The following INPP4B variants were observed in gnomAD, a reference collection of about 807,000 sequenced individuals.
The protein encoded by INPP4B is inositol polyphosphate-4-phosphatase type II B.
In INPP4B, 55 loss-of-function variants were observed where a neutral mutation model predicts 122.5. The ratio of observed to expected loss-of-function variants is 0.45; its 90% CI spans 0.36 to 0.56. The LOEUF (loss-of-function observed/expected upper bound fraction) is 0.56, where lower values mean the gene tolerates loss of function less well. Ranked by LOEUF, INPP4B falls within the 20% of genes least tolerant of loss-of-function variation. The pLI, the probability that INPP4B is intolerant of heterozygous loss-of-function variation, is 0.00. For synonymous variants in INPP4B, 403 were observed against 388.7 expected (o/e 1.04, Z -0.43); for missense variants, 1,000 against 1,097.7 (o/e 0.91, Z 1.26).
intron 2 of INPP4B, among the ~76,000 whole-genome samples, chr4:142,598,918 C>T (rs1164029896): frequency 6.6e-6 from 1 of 152,172 alleles, no homozygotes; most frequent in African/African-American, 2.4e-5. Context: ...GCTGGGAGTG[C>T]CAAGTGCACC....
Position 142,026,869 on chromosome 4 carries a change from A to G in INPP4B, c.*1913T>C, listed in dbSNP as rs1737169582. The G allele has an allele frequency of 6.6e-6, 1 of 152,242 alleles. No individual in the cohort carries two copies. 9.4% of individuals were successfully genotyped at this position (152,242 alleles called of 1,614,324 possible). Reference sequence around the variant, plus strand: ...AAAATTATTGCTTATAAGAGTATTTACAGAATGATAAATTACTTAAGGTTT... The same window carrying G: ...AAAATTATTGCTTATAAGAGTATTTGCAGAATGATAAATTACTTAAGGTTT... On this transcript the variant is annotated 3_prime_UTR_variant, in exon 26 of 26. Coordinates refer to ENST00000262992, the MANE Select transcript of INPP4B (RefSeq NM_001101669.3).
chr4:142,378,923 A>G (rs1005428341), intron 7 of INPP4B, among the ~76,000 whole-genome samples: 8 of 152,312 alleles, frequency 5.3e-5, no homozygotes, highest in Non-Finnish European at 1.2e-4. Flanking sequence ...TTCAAAAATG[A>G]AAAGCAAATG....
intron 25 of INPP4B, among the ~76,000 whole-genome samples, chr4:142,048,599 A>G (rs1752831016): frequency 6.6e-6 from 1 of 151,974 alleles, no homozygotes; most frequent in Non-Finnish European, 1.5e-5. Context: ...TGGAGGGGGC[A>G]GGTATTTATG....
At chr4:142,653,483 C>T (rs1030857703) in intron 2 of INPP4B, among the ~76,000 whole-genome samples, 4 of 152,052 alleles carry the variant, frequency 2.6e-5, no homozygotes, top group Middle Eastern at 3.4e-3. Context: ...ATCTGACAAA[C>T]GGCTAATATC....
At chr4:142,138,565 T>C (rs1395427762) in intron 18 of INPP4B, among the ~76,000 whole-genome samples, 1 of 152,026 alleles carries the variant, frequency 6.6e-6, no homozygotes, top group Non-Finnish European at 1.5e-5. Context: ...AATTAATCAT[T>C]CCTTTTTCCA....
At chr4:142,555,248 A>G (rs545932182) in intron 2 of INPP4B, among the ~76,000 whole-genome samples, 4 of 152,228 alleles carry the variant, frequency 2.6e-5, no homozygotes, top group Non-Finnish European at 5.9e-5. Context: ...TGGGACTTCT[A>G]CAGGTCACTC....
At chr4:142,554,161 C>T (rs369363881) in intron 2 of INPP4B, among the ~76,000 whole-genome samples, 3 of 142,792 alleles carry the variant, frequency 2.1e-5, no homozygotes, top group African/African-American at 5.2e-5. Flanking sequence ...GCACTCCAGC[C>T]TGGGCAACAA....
rs533828623 is a variant in INPP4B, at chr4:142,746,653, G to A, written c.-253-20752C>T. Among the ~76,000 whole-genome samples the A allele has an allele frequency of 1.1e-4, 17 of 152,166 alleles. No homozygotes were observed. The South Asian group carries it at 3.3e-3, about 30-fold the overall frequency. ...AAGGCTACAGTAAGACAAACAGCAT[G>A]GTACTGGTACCAAAACAGATATATA... On this transcript the variant is annotated intron_variant, in intron 1 of 25. Coordinates refer to ENST00000262992, the MANE Select transcript of INPP4B (RefSeq NM_001101669.3).
At chr4:142,248,590 C>A (rs899895882) in intron 11 of INPP4B, among the ~76,000 whole-genome samples, 5 of 151,614 alleles carry the variant, frequency 3.3e-5, no homozygotes, top group Admixed American at 6.6e-5. Flanking sequence ...CTGTCCACTT[C>A]AGCCTCCCAA....
chr4:142,040,603 G>T (rs1254214371), intron 25 of INPP4B, among the ~76,000 whole-genome samples: 2 of 152,140 alleles, frequency 1.3e-5, no homozygotes, highest in Non-Finnish European at 2.9e-5. Context: ...TTAGTAGAAA[G>T]ATAAATAGGG....
intron 2 of INPP4B, among the ~76,000 whole-genome samples, chr4:142,556,523 A>G (rs971074314): frequency 6.6e-6 from 1 of 152,206 alleles, no homozygotes; most frequent in Non-Finnish European, 1.5e-5. Context: ...AGAAAGAGGC[A>G]TAAAGAAAGA....
chr4:142,805,380 CTA>C (rs1778557084), intron 1 of INPP4B, among the ~76,000 whole-genome samples: 1 of 152,102 alleles, frequency 6.6e-6, no homozygotes, highest in Non-Finnish European at 1.5e-5. Flanking sequence ...ATGGAATAAA[CTA>C]GAACTATTTG....
At chr4:142,635,914 T>A (rs1442385841) in intron 2 of INPP4B, among the ~76,000 whole-genome samples, 1 of 152,148 alleles carries the variant, frequency 6.6e-6, no homozygotes, top group East Asian at 1.9e-4. Context: ...TCTACAAAAA[T>A]AACTGCATTT....
intron 1 of INPP4B, among the ~76,000 whole-genome samples, chr4:142,841,888 A>G (rs1783540002): frequency 1.3e-5 from 2 of 151,914 alleles, no homozygotes; most frequent in Admixed American, 1.3e-4. Flanking sequence ...ACAAAGAAAA[A>G]CAATTGAGTA....
chr4:142,655,383 T>C (rs1437097484), intron 2 of INPP4B, among the ~76,000 whole-genome samples: 1 of 152,168 alleles, frequency 6.6e-6, no homozygotes, highest in Non-Finnish European at 1.5e-5. Context: ...ATGGAGCATA[T>C]CATTATTTCA....
rs548882200 is a variant in INPP4B, at chr4:142,026,082, G to A, written c.*2700C>T. Reference sequence around the variant, plus strand: ...TTGAGCAAAAAAAGAGTTTGGAAATGTCATTTGCTCAGTTCATTTTTTGGC... The same window carrying A: ...TTGAGCAAAAAAAGAGTTTGGAAATATCATTTGCTCAGTTCATTTTTTGGC... On this transcript the variant is annotated 3_prime_UTR_variant, in exon 26 of 26. Transcript: ENST00000262992. The A allele has an allele frequency of 6.6e-6, 1 of 152,126 alleles. No individual in the cohort carries two copies. The highest frequency in any genetic ancestry group is 1.5e-5 in the Non-Finnish European group (1 of 68,022). 9.4% of individuals were successfully genotyped at this position (152,126 alleles called of 1,614,324 possible). A position where few individuals can be genotyped will look rare whatever the true frequency, so the allele number is the denominator to read the frequency against.
At chr4:142,392,775 G>T (rs930683713) in intron 7 of INPP4B, among the ~76,000 whole-genome samples, 1 of 152,214 alleles carries the variant, frequency 6.6e-6, no homozygotes, top group African/African-American at 2.4e-5. Context: ...AAACAGAAAA[G>T]TATCTGGGCA....
intron 2 of INPP4B, among the ~76,000 whole-genome samples, chr4:142,490,205 C>T (rs1378429153): frequency 6.6e-6 from 1 of 151,980 alleles, no homozygotes; most frequent in Non-Finnish European, 1.5e-5. Flanking sequence ...CCACCTCAGC[C>T]TCCTGAGTAG....
chr4:142,427,521 G>A, intron 5 of INPP4B: 1 of 634,172 alleles, frequency 1.6e-6, no homozygotes, highest in Non-Finnish European at 2.8e-6. Flanking sequence ...AAATTTACTT[G>A]GCTTTCTAAA....
Sources: allele counts gnomAD v4.1 joint callset (sites outside exome capture counted in the v4.1 genomes callset), GRCh38; gene constraint gnomAD v4.1.1; transcripts MANE v1.5; gene names NCBI Gene and HGNC (gene_info 2026-07-23, HGNC 2026-07-21).